AGPAT4: variants seen among roughly 807,000 people sequenced by gnomAD.
The protein encoded by AGPAT4 is 1-acylglycerol-3-phosphate O-acyltransferase 4.
AGPAT4 carries 15 observed loss-of-function variants against 48.0 expected under a neutral mutation model. The observed-to-expected ratio is 0.31, with a 90% CI of 0.21 to 0.48. The LOEUF (loss-of-function observed/expected upper bound fraction) is 0.48, where lower values mean the gene tolerates loss of function less well. Ranked by LOEUF, AGPAT4 falls within the 20% of genes least tolerant of loss-of-function variation. AGPAT4 has a pLI of 0.99. For missense variants in AGPAT4, 314 were observed against 482.5 expected (o/e 0.65, Z 3.27); for synonymous variants, 178 against 198.7 (o/e 0.90, Z 0.88).
Position 161,266,254 on chromosome 6 carries a change from G to A in AGPAT4, c.-90+7684C>T, listed in dbSNP as rs934855488. On this transcript the variant is annotated intron_variant, in intron 1 of 8. Transcript: ENST00000320285. The surrounding 1 kb of genome is among the most constrained non-coding windows in gnomAD (Gnocchi z 6.2). ...CAACATCGAGATTGAGAAACACCTC[G>A]CCCTCAAGGAATGTCACCCTTGAGG... 6.0e-4 allele frequency among the ~76,000 whole-genome samples: 92 copies of A among 152,202 alleles called. No individual in the cohort carries two copies. The highest frequency in any genetic ancestry group is 2.0e-3 in the African/African-American group (84 of 41,534).
In AGPAT4 at chr6:161,155,797, G is replaced by A. The variant is rs944273746; in HGVS notation, c.349-1487C>T. On this transcript the variant is annotated intron_variant, in intron 3 of 8. Coordinates refer to ENST00000320285, the MANE Select transcript of AGPAT4 (RefSeq NM_020133.3). The surrounding 1 kb of genome is among the most constrained non-coding windows in gnomAD (Gnocchi z 5.8). ...GGGCTTACCGTGTGCTGTGCCCATG[G>A]TATTTTTTAAAATTATATTTACCTG... Among the ~76,000 whole-genome samples, 1 of 152,222 alleles carries A rather than the reference G, an allele frequency of 6.6e-6. No homozygotes were observed. Among genetic ancestry groups the A allele is most frequent in the African/African-American group, 2.4e-5 (1 of 41,454 alleles).
chr6:161,215,912 C>T lies in AGPAT4; in HGVS notation c.178+16124G>A, dbSNP rs1251732282. The stretch of plus-strand genomic sequence containing the variant: ...CAGACATAGTCAAGTTTATCTATGC[C>T]GGCAAGCAAAACTCTTCGCATGCAC... On this transcript the variant is annotated intron_variant, in intron 2 of 8. Transcript: ENST00000320285. This position sits in a 1 kb window ranked among gnomAD's most constrained non-coding sequence, Gnocchi z 4.5. 7.2e-5 allele frequency among the ~76,000 whole-genome samples: 11 copies of T among 152,232 alleles called. No homozygotes were observed. In the East Asian group the frequency reaches 1.7e-3, roughly 24 times the overall value.
Position 161,158,847 on chromosome 6 carries a change from A to G in AGPAT4, c.349-4537T>C, listed in dbSNP as rs1286601131. Among the ~76,000 whole-genome samples, 2 of 152,164 alleles carry G rather than the reference A, an allele frequency of 1.3e-5. No homozygotes were observed. The highest frequency in any genetic ancestry group is 6.5e-5 in the Admixed American group (1 of 15,268). On this transcript the variant is annotated intron_variant, in intron 3 of 8. Transcript: ENST00000320285. This position sits in a 1 kb window ranked among gnomAD's most constrained non-coding sequence, Gnocchi z 5.3. ...GCAGCATGGCTGGGAGCAGCAGGGT[A>G]TCCTGCTCCTGCACCGCCTCCACCC...
chr6:161,192,142 CTTTTTTT>C (rs573872820), intron 2 of AGPAT4, among the ~76,000 whole-genome samples: 2 of 45,614 alleles, frequency 4.4e-5, no homozygotes, highest in South Asian at 1.3e-3. Context: ...AGAAGTTATA[CTTTTTTT>C]TTTTTTTTTT....
intron 2 of AGPAT4, among the ~76,000 whole-genome samples, chr6:161,190,328 G>A (rs1053429664): frequency 1.3e-5 from 2 of 152,206 alleles, no homozygotes; most frequent in African/African-American, 4.8e-5. Context: ...CTGAATGTAA[G>A]AGAGTATATG....
In AGPAT4 at chr6:161,232,707, C is replaced by A. The variant is rs114096649; in HGVS notation, c.-89-405G>T. Reference sequence around the variant, plus strand: ...GCCTCCCCTCCTGCTGCCATCGCGGCCTGAGCCCCATTCTCTCACCCCTAG... The same window carrying A: ...GCCTCCCCTCCTGCTGCCATCGCGGACTGAGCCCCATTCTCTCACCCCTAG... On this transcript the variant is annotated intron_variant, in intron 1 of 8. Transcript: ENST00000320285. This position sits in a 1 kb window ranked among gnomAD's most constrained non-coding sequence, Gnocchi z 6.8. Among the ~76,000 whole-genome samples, 540 of 152,278 alleles carry A rather than the reference C, an allele frequency of 3.5e-3. 3 individuals are homozygous for A. The highest frequency in any genetic ancestry group is 0.012 in the African/African-American group (511 of 41,554).
intron 5 of AGPAT4, among the ~76,000 whole-genome samples, chr6:161,152,011 A>C (rs887668211): frequency 6.6e-6 from 1 of 152,206 alleles, no homozygotes; most frequent in Admixed American, 6.5e-5. Flanking sequence ...GCAGAGGGGA[A>C]GGACCTCGGA....
chr6:161,152,512 T>C (rs866436329), intron 5 of AGPAT4, among the ~76,000 whole-genome samples: 23 of 152,152 alleles, frequency 1.5e-4, no homozygotes, highest in Admixed American at 3.9e-4. Flanking sequence ...CCAGAGGTCC[T>C]GGTAGGGGGT....
In AGPAT4 at chr6:161,208,238, A is replaced by G. The variant is rs543632402; in HGVS notation, c.178+23798T>C. 2.0e-4 allele frequency among the ~76,000 whole-genome samples: 30 copies of G among 152,294 alleles called. No homozygotes were observed. Among genetic ancestry groups the G allele is most frequent in the African/African-American group, 6.7e-4 (28 of 41,566 alleles). On this transcript the variant is annotated intron_variant, in intron 2 of 8. Coordinates refer to ENST00000320285, the MANE Select transcript of AGPAT4 (RefSeq NM_020133.3). This position sits in a 1 kb window ranked among gnomAD's most constrained non-coding sequence, Gnocchi z 4.6. The stretch of plus-strand genomic sequence containing the variant: ...TTATATGAACGTTAGCTACCAAGAC[A>G]AGCACTGTTACTAAAAGTAAGCTAC...
Position 161,166,207 on chromosome 6 carries a change from G to A in AGPAT4, c.348+41C>T, listed in dbSNP as rs769670926. The A allele has an allele frequency of 6.2e-7, 1 of 1,603,756 alleles. No homozygotes were observed. Among genetic ancestry groups the A allele is most frequent in the South Asian group, 1.1e-5 (1 of 89,308 alleles). On this transcript the variant is annotated intron_variant, in intron 3 of 8. Transcript: ENST00000320285. The surrounding 1 kb of genome is among the most constrained non-coding windows in gnomAD (Gnocchi z 6.7). Reference sequence around the variant, plus strand: ...AAAGACAAGTGGTGGGGCTGAACCAGAGAAATGTGTGAGGCAGGGGGGAAT... The same window carrying A: ...AAAGACAAGTGGTGGGGCTGAACCAAAGAAATGTGTGAGGCAGGGGGGAAT...
rs1781732158 is a variant in AGPAT4 at position 161,219,089 on chromosome 6, A to G, written c.178+12947T>C. Among the ~76,000 whole-genome samples, 1 of 152,226 alleles carries G rather than the reference A, an allele frequency of 6.6e-6. No individual in the cohort carries two copies. Among genetic ancestry groups the G allele is most frequent in the African/African-American group, 2.4e-5 (1 of 41,464 alleles). On this transcript the variant is annotated intron_variant, in intron 2 of 8. Transcript: ENST00000320285. The surrounding 1 kb of genome is among the most constrained non-coding windows in gnomAD (Gnocchi z 4.9). ...AAGATAAACTGAAATAGAGAAAAAT[A>G]CAAAAATATTTTTTGCCATTAGGAT...
Position 161,215,294 on chromosome 6 carries a change from G to A in AGPAT4, c.178+16742C>T, listed in dbSNP as rs9458155. Among the ~76,000 whole-genome samples the A allele has an allele frequency of 0.054, 8,152 of 152,214 alleles. 742 individuals are homozygous for A. The highest frequency in any genetic ancestry group is 0.19 in the African/African-American group (7,710 of 41,504). On this transcript the variant is annotated intron_variant, in intron 2 of 8. Coordinates refer to ENST00000320285, the MANE Select transcript of AGPAT4 (RefSeq NM_020133.3). This position sits in a 1 kb window ranked among gnomAD's most constrained non-coding sequence, Gnocchi z 4.5. ...TGTTTCTGTAGAATTAAGCTTCCCC[G>A]TATCTGTGGGTTGAAAATGTTTACA...
intron 2 of AGPAT4, among the ~76,000 whole-genome samples, chr6:161,228,660 G>GAAAAAAAAAAAAAAA (rs1562347784): frequency 1.9e-5 from 1 of 53,020 alleles, no homozygotes; most frequent in African/African-American, 1.8e-4. Flanking sequence ...TGTCAGAGAG[G>GAAAAAAAAAAAAAAA]TAAAAAAAAA....
At position 161,231,374 on chromosome 6, in the gene AGPAT4, T is replaced by C. The variant is rs1365040209; in HGVS notation, c.178+662A>G. Among the ~76,000 whole-genome samples the C allele has an allele frequency of 2.6e-5, 4 of 151,004 alleles. No homozygotes were observed. In the East Asian group the frequency reaches 7.7e-4, roughly 29 times the overall value. ...GCATAATCAAACATACACGGACACA[T>C]ACACACACACAAATGAGTGTACTTA... On this transcript the variant is annotated intron_variant, in intron 2 of 8. Transcript: ENST00000320285. The surrounding 1 kb of genome is among the most constrained non-coding windows in gnomAD (Gnocchi z 5.3).
chr6:161,130,603 C>T lies in AGPAT4; in HGVS notation c.*5937G>A, dbSNP rs1444063425. ...CTGACCTGAACCGGGTGTGTTCCAC[C>T]CTTGCCCATGGTTAGATCTCTTTCC... is the stretch of plus-strand genomic sequence containing the variant. On this transcript the variant is annotated 3_prime_UTR_variant, in exon 9 of 9. Transcript: ENST00000320285. 1 of 244,086 alleles carries T rather than the reference C, an allele frequency of 4.1e-6. No individual in the cohort carries two copies. The highest frequency in any genetic ancestry group is 4.4e-5 in the Admixed American group (1 of 22,578). 15.1% of individuals were successfully genotyped at this position (244,086 alleles called of 1,614,324 possible). A position where few individuals can be genotyped will look rare whatever the true frequency, so the allele number is the denominator to read the frequency against.
Position 161,180,952 on chromosome 6 carries a change from A to G in AGPAT4, c.179-14535T>C, listed in dbSNP as rs1418021430. Among the ~76,000 whole-genome samples the G allele has an allele frequency of 1.3e-5, 2 of 152,204 alleles. No individual in the cohort carries two copies. Among genetic ancestry groups the G allele is most frequent in the East Asian group, 1.9e-4 (1 of 5,202 alleles). On this transcript the variant is annotated intron_variant, in intron 2 of 8. Coordinates refer to ENST00000320285, the MANE Select transcript of AGPAT4 (RefSeq NM_020133.3). The surrounding 1 kb of genome is among the most constrained non-coding windows in gnomAD (Gnocchi z 6.4). ...GAAAAAGAAGTAGATAGACAAAAAC[A>G]AAGTGGAGTTAAGGAAGAAAGGCCT... is the stretch of plus-strand genomic sequence containing the variant.
chr6:161,136,084 A>G lies in AGPAT4; in HGVS notation c.*456T>C, dbSNP rs561098466. Reference sequence around the variant, plus strand: ...AACATACACCACAGATGACCCAGAAAAGCACTTTAATTTTTTTTTCTTGGA... The same window carrying G: ...AACATACACCACAGATGACCCAGAAGAGCACTTTAATTTTTTTTTCTTGGA... On this transcript the variant is annotated 3_prime_UTR_variant, in exon 9 of 9. Transcript: ENST00000320285. The G allele has an allele frequency of 5.7e-6, 1 of 174,038 alleles. No homozygotes were observed. The highest frequency in any genetic ancestry group is 2.4e-5 in the African/African-American group (1 of 41,848). The allele number at this position is 174,038 out of a possible 1,614,324, so 10.8% of individuals were successfully genotyped here.
chr6:161,191,911 C>T (rs569589674), intron 2 of AGPAT4, among the ~76,000 whole-genome samples: 1 of 152,234 alleles, frequency 6.6e-6, no homozygotes, highest in East Asian at 1.9e-4. Context: ...AACTGTGTTT[C>T]TTTCAATGGT....
In AGPAT4 at chr6:161,200,751, G is replaced by A. The variant is rs1323921290; in HGVS notation, c.178+31285C>T. Among the ~76,000 whole-genome samples the A allele has an allele frequency of 6.6e-6, 1 of 152,166 alleles. No individual in the cohort carries two copies. ...TTCAAATGAGGCTCCATCTGTTCCT[G>A]AAGCCATACGGTCCATGTGTTACAC... On this transcript the variant is annotated intron_variant, in intron 2 of 8. Transcript: ENST00000320285. This position sits in a 1 kb window ranked among gnomAD's most constrained non-coding sequence, Gnocchi z 5.5.
Sources: allele counts gnomAD v4.1 joint callset (sites outside exome capture counted in the v4.1 genomes callset), GRCh38; gene constraint gnomAD v4.1.1; non-coding constraint Gnocchi (gnomAD v3.1); transcripts MANE v1.5; gene names NCBI Gene and HGNC (gene_info 2026-07-23, HGNC 2026-07-21).